Variants in RPS23 observed in about 807,000 individuals in gnomAD.
RPS23 encodes ribosomal protein S23.
For missense variants in RPS23, 73 were observed against 174.5 expected (o/e 0.42, Z 3.28); for synonymous variants, 66 against 60.4 (o/e 1.09, Z -0.43).
rs75048482 is a variant in RPS23 at position 82,277,962 on chromosome 5, G to A, written c.5-110C>T. ...TAAACCCTTAAGCCGATTGGCTCTCGTACTATTTATTGGCCTGTGGGCCAA... is the reference window on the plus strand; with the variant it reads ...TAAACCCTTAAGCCGATTGGCTCTCATACTATTTATTGGCCTGTGGGCCAA... On this transcript the variant is annotated intron_variant, in intron 1 of 3. Coordinates refer to ENST00000296674, the MANE Select transcript of RPS23 (RefSeq NM_001025.5). 3.7e-3 allele frequency: 3,764 copies of A among 1,019,246 alleles called. 19 individuals carry two copies. Among genetic ancestry groups the A allele is most frequent in the Non-Finnish European group, 4.6e-3 (3,212 of 693,594 alleles). The allele number at this position is 1,019,246 out of a possible 1,614,324, so 63.1% of individuals were successfully genotyped here.
chr5:82,276,770 C>G, intron 2 of RPS23: 1 of 487,132 alleles, frequency 2.1e-6, no homozygotes, highest in South Asian at 3.0e-5. Flanking sequence ...GTCCCAACTA[C>G]TTGCGAGGCT....
rs1016906328 is a variant in RPS23 at position 82,275,421 on chromosome 5, G to C, written c.*688C>G. 24 of 660,954 alleles carry C rather than the reference G, an allele frequency of 3.6e-5. No homozygotes were observed. Among genetic ancestry groups the C allele is most frequent in the Non-Finnish European group, 6.5e-5 (24 of 367,168 alleles). 40.9% of individuals were successfully genotyped at this position (660,954 alleles called of 1,614,324 possible). On this transcript the variant is annotated 3_prime_UTR_variant, in exon 4 of 4. Coordinates refer to ENST00000296674, the MANE Select transcript of RPS23 (RefSeq NM_001025.5). ...TTTGCTGACTAGTCTTTGAAGACATGAAGGTCTCTGACAACCTCATGAGAA... is the reference window on the plus strand; with the variant it reads ...TTTGCTGACTAGTCTTTGAAGACATCAAGGTCTCTGACAACCTCATGAGAA...
Position 82,274,860 on chromosome 5 carries a change from AAG to A in RPS23, c.*1247_*1248del. The A allele has an allele frequency of 4.2e-6, 1 of 237,976 alleles. No individual in the cohort carries two copies. The highest frequency in any genetic ancestry group is 1.0e-4 in the East Asian group (1 of 9,702). 14.7% of individuals were successfully genotyped at this position (237,976 alleles called of 1,614,324 possible). ...GGAGGGAGAGACTAGCATCATCATC[AAG>A]AGATAAACCGAAGTGTGCTGGAAAA... is the stretch of plus-strand genomic sequence containing the variant. On this transcript the variant is annotated 3_prime_UTR_variant, in exon 4 of 4. Coordinates refer to ENST00000296674, the MANE Select transcript of RPS23 (RefSeq NM_001025.5).
At chr5:82,278,019 T>G (rs1192086618) in intron 1 of RPS23, 167 bp from the exon 2 acceptor site, 6 of 681,420 alleles carry the variant, frequency 8.8e-6, no homozygotes, top group Non-Finnish European at 9.9e-6. Flanking sequence ...CTGAACCGAC[T>G]AATAAACGTT....
In RPS23 at chr5:82,275,082, TCTG is replaced by T. The variant is rs1747743359; in HGVS notation, c.*1024_*1026del. 1 of 618,304 alleles carries T rather than the reference TCTG, an allele frequency of 1.6e-6. No homozygotes were observed. The highest frequency in any genetic ancestry group is 2.7e-5 in the East Asian group (1 of 36,494). The allele number at this position is 618,304 out of a possible 1,614,324, so 38.3% of individuals were successfully genotyped here. A position where few individuals can be genotyped will look rare whatever the true frequency, so the allele number is the denominator to read the frequency against. On this transcript the variant is annotated 3_prime_UTR_variant, in exon 4 of 4. Transcript: ENST00000296674. ...AGGTATGAAGCGCAACCTGGGTTCT[TCTG>T]TGCCATGTGAAAGGTTCTGCTCTTG...
Position 82,275,359 on chromosome 5 carries a change from AAC to A in RPS23, c.*748_*749del. 1.4e-6 allele frequency: 1 copy of A among 702,022 alleles called. No individual in the cohort carries two copies. The highest frequency in any genetic ancestry group is 1.7e-5 in the African/African-American group (1 of 57,374). 43.5% of individuals were successfully genotyped at this position (702,022 alleles called of 1,614,324 possible). A position where few individuals can be genotyped will look rare whatever the true frequency, so the allele number is the denominator to read the frequency against. ...CTCAATACCTAGCTTAAATTATCAAAACACAACCAATCTTGTCTCTACACTAA... is the reference window on the plus strand; with the variant it reads ...CTCAATACCTAGCTTAAATTATCAAAACAACCAATCTTGTCTCTACACTAA... On this transcript the variant is annotated 3_prime_UTR_variant, in exon 4 of 4. Coordinates refer to ENST00000296674, the MANE Select transcript of RPS23 (RefSeq NM_001025.5).
Position 82,275,305 on chromosome 5 carries a change from G to A in RPS23, c.*804C>T, listed in dbSNP as rs1561388563. On this transcript the variant is annotated 3_prime_UTR_variant, in exon 4 of 4. Coordinates refer to ENST00000296674, the MANE Select transcript of RPS23 (RefSeq NM_001025.5). ...TGTATCCATGAAAACTCTGAAACAA[G>A]TATTTGTGGACAGCAAAATCCACAT... 1.4e-6 allele frequency: 1 copy of A among 702,590 alleles called. No homozygotes were observed. The highest frequency in any genetic ancestry group is 1.5e-5 in the South Asian group (1 of 67,608). 43.5% of individuals were successfully genotyped at this position (702,590 alleles called of 1,614,324 possible).
Position 82,275,049 on chromosome 5 carries a change from G to C in RPS23, c.*1060C>G. The C allele has an allele frequency of 1.7e-6, 1 of 584,658 alleles. No individual in the cohort carries two copies. The highest frequency in any genetic ancestry group is 3.0e-6 in the Non-Finnish European group (1 of 328,378). 36.2% of individuals were successfully genotyped at this position (584,658 alleles called of 1,614,324 possible). A position where few individuals can be genotyped will look rare whatever the true frequency, so the allele number is the denominator to read the frequency against. On this transcript the variant is annotated 3_prime_UTR_variant, in exon 4 of 4. Transcript: ENST00000296674. ...GGAGAGAAATGGCAGGCTAAGGCTGGAATATGCAGGTATGAAGCGCAACCT... is the reference window on the plus strand; with the variant it reads ...GGAGAGAAATGGCAGGCTAAGGCTGCAATATGCAGGTATGAAGCGCAACCT...
Position 82,275,302 on chromosome 5 carries a change from C to CA in RPS23, c.*806dup. ...CACTGTATCCATGAAAACTCTGAAA[C>CA]AAGTATTTGTGGACAGCAAAATCCA... On this transcript the variant is annotated 3_prime_UTR_variant, in exon 4 of 4. Transcript: ENST00000296674. 1 of 702,612 alleles carries CA rather than the reference C, an allele frequency of 1.4e-6. No homozygotes were observed. The highest frequency in any genetic ancestry group is 2.6e-6 in the Non-Finnish European group (1 of 385,000). 43.5% of individuals were successfully genotyped at this position (702,612 alleles called of 1,614,324 possible).
At chr5:82,277,634 TAA>T (rs1747923379) in intron 2 of RPS23, 57 bp downstream of exon 2, 4 of 1,519,948 alleles carry the variant, frequency 2.6e-6, no homozygotes. Context: ...CAAGAATTCG[TAA>T]GTTCATGTCT....
Position 82,274,354 on chromosome 5 carries a change from G to A in RPS23, c.*1755C>T. The A allele has an allele frequency of 6.6e-6, 1 of 152,524 alleles. No individual in the cohort carries two copies. The highest frequency in any genetic ancestry group is 2.1e-4 in the South Asian group (1 of 4,834). 9.4% of individuals were successfully genotyped at this position (152,524 alleles called of 1,614,324 possible). On this transcript the variant is annotated 3_prime_UTR_variant, in exon 4 of 4. Transcript: ENST00000296674. The stretch of plus-strand genomic sequence containing the variant: ...AGGCTCAGCAGCTTCTGGATCTGAG[G>A]CGCCGGAGATTATTTATGGGTCAAT...
intron 2 of RPS23, 164 bp downstream of exon 2, chr5:82,277,529 T>C (rs1747906934): frequency 2.7e-6 from 2 of 742,408 alleles, no homozygotes; most frequent in Admixed American, 2.5e-5. Context: ...AAAAACTAAT[T>C]TTACCAACTT....
Position 82,278,336 on chromosome 5 carries a change from A to G in RPS23, c.-13T>C. 6.2e-7 allele frequency: 1 copy of G among 1,608,700 alleles called. No homozygotes were observed. Among genetic ancestry groups the G allele is most frequent in the Non-Finnish European group, 8.5e-7 (1 of 1,178,052 alleles). On this transcript the variant is annotated 5_prime_UTR_variant, in exon 1 of 4. Coordinates refer to ENST00000296674, the MANE Select transcript of RPS23 (RefSeq NM_001025.5). The stretch of plus-strand genomic sequence containing the variant: ...ACAGCTCACCCATCCTGTCGGCGCC[A>G]CGGGCCTGAGCGAAAGAGAGAAGCA...
In RPS23 at chr5:82,275,425, G is replaced by T. The variant is rs1747751978; in HGVS notation, c.*684C>A. 3.1e-6 allele frequency: 2 copies of T among 653,550 alleles called. No homozygotes were observed. Among genetic ancestry groups the T allele is most frequent in the African/African-American group, 2.0e-5 (1 of 50,972 alleles). 40.5% of individuals were successfully genotyped at this position (653,550 alleles called of 1,614,324 possible). A position where few individuals can be genotyped will look rare whatever the true frequency, so the allele number is the denominator to read the frequency against. ...CTGACTAGTCTTTGAAGACATGAAG[G>T]TCTCTGACAACCTCATGAGAAGATA... On this transcript the variant is annotated 3_prime_UTR_variant, in exon 4 of 4. Coordinates refer to ENST00000296674, the MANE Select transcript of RPS23 (RefSeq NM_001025.5).
rs1335374957 is a variant in RPS23, at chr5:82,277,036, A to G, written c.165-518T>C. 2.0e-5 allele frequency among the ~76,000 whole-genome samples: 3 copies of G among 151,656 alleles called. No individual in the cohort carries two copies. The East Asian group carries it at 5.8e-4, about 29-fold the overall frequency. On this transcript the variant is annotated intron_variant, in intron 2 of 3. Transcript: ENST00000296674. The stretch of plus-strand genomic sequence containing the variant: ...CCCATCACTACTGAAAATACAAAAT[A>G]TTAGCTGGTGTGGTAGTGGGCGCCT...
chr5:82,277,001 ATGGTGAAAC>A, intron 2 of RPS23: 1 of 162,726 alleles, frequency 6.1e-6, no homozygotes, highest in Non-Finnish European at 1.3e-5. Context: ...CCTGGTCAAC[ATGGTGAAAC>A]CCCATCACTA....
At chr5:82,277,067 C>T (rs1242622355) in intron 2 of RPS23, among the ~76,000 whole-genome samples, 1 of 150,230 alleles carries the variant, frequency 6.7e-6, no homozygotes, top group Non-Finnish European at 1.5e-5. Context: ...CGCCTGTAAT[C>T]CCAGCTACCT....
chr5:82,277,338 C>T (rs1467493673), intron 2 of RPS23: 1 of 314,508 alleles, frequency 3.2e-6, no homozygotes, highest in Non-Finnish European at 6.0e-6. Context: ...AATTCTGATG[C>T]AAGTCACTTC....
At chr5:82,278,264 T>TCCCCAAGA in intron 1 of RPS23, 56 bp downstream of exon 1, 5 of 1,550,946 alleles carry the variant, frequency 3.2e-6, no homozygotes, top group Non-Finnish European at 4.4e-6. Flanking sequence ...CGCCCGCCCG[T>TCCCCAAGA]CCCCAAGACC....
Sources: allele counts gnomAD v4.1 joint callset (sites outside exome capture counted in the v4.1 genomes callset), GRCh38; gene constraint gnomAD v4.1.1; transcripts MANE v1.5; gene names NCBI Gene and HGNC (gene_info 2026-07-23, HGNC 2026-07-21).